Variants in LRRTM4 observed in about 807,000 individuals in gnomAD.
The protein encoded by LRRTM4 is leucine rich repeat transmembrane neuronal 4.
LRRTM4 carries 25 observed loss-of-function variants against 47.6 expected under a neutral mutation model. The ratio of observed to expected loss-of-function variants is 0.53; its 90% CI spans 0.38 to 0.73. The LOEUF is 0.73. Among genes scored for constraint, LRRTM4 ranks in the 30% least tolerant of loss-of-function variants. The probability of loss-of-function intolerance (pLI) is 0.00; values close to 1 mark genes in which losing one functional copy is unlikely to be tolerated. For missense variants in LRRTM4, 638 were observed against 713.4 expected, an observed-to-expected ratio of 0.89 and a Z score of 1.20; for synonymous variants, 311 against 269.5, an observed-to-expected ratio of 1.15 and a Z score of -1.51.
intron 3 of LRRTM4, among the ~76,000 whole-genome samples, chr2:77,223,702 A>G (rs975243563): frequency 1.3e-5 from 2 of 152,226 alleles, no homozygotes; most frequent in African/African-American, 2.4e-5. Context: ...ACTCAATGAA[A>G]TAAAAGAGGA....
At chr2:77,315,391 CAT>C (rs1353826579) in intron 3 of LRRTM4, among the ~76,000 whole-genome samples, 1 of 152,182 alleles carries the variant, frequency 6.6e-6, no homozygotes, top group East Asian at 1.9e-4. Flanking sequence ...ATATATAACT[CAT>C]ATAACATACA....
intron 3 of LRRTM4, among the ~76,000 whole-genome samples, chr2:77,102,976 T>A (rs1670996530): frequency 1.3e-5 from 2 of 152,212 alleles, no homozygotes; most frequent in African/African-American, 4.8e-5. Flanking sequence ...ATATATACTC[T>A]TTGGGACTTT....
At chr2:77,022,805 G>A (rs1000283736) in intron 3 of LRRTM4, among the ~76,000 whole-genome samples, 3 of 152,164 alleles carry the variant, frequency 2.0e-5, no homozygotes, top group Admixed American at 2.0e-4. Flanking sequence ...CTGCTTTTAT[G>A]GGCTGGCATT....
intron 3 of LRRTM4, among the ~76,000 whole-genome samples, chr2:76,927,363 A>T (rs976964703): frequency 5.3e-5 from 8 of 152,114 alleles, no homozygotes; most frequent in Non-Finnish European, 1.2e-4. Flanking sequence ...AAAGCCTCTA[A>T]AGGCCTTGCT....
chr2:77,449,809 C>G (rs995270763), intron 3 of LRRTM4, among the ~76,000 whole-genome samples: 36 of 152,204 alleles, frequency 2.4e-4, no homozygotes, highest in African/African-American at 8.4e-4. Flanking sequence ...TGCCAAAAGG[C>G]ATAATTTTGG....
At chr2:77,192,102 A>C (rs528280015) in intron 3 of LRRTM4, among the ~76,000 whole-genome samples, 1 of 152,226 alleles carries the variant, frequency 6.6e-6, no homozygotes, top group South Asian at 2.1e-4. Flanking sequence ...ATCAATGACA[A>C]TTGAATTAAA....
At chr2:77,100,394 C>A (rs1179839637) in intron 3 of LRRTM4, among the ~76,000 whole-genome samples, 1 of 152,154 alleles carries the variant, frequency 6.6e-6, no homozygotes, top group Non-Finnish European at 1.5e-5. Context: ...AGTGTTCTTG[C>A]TTCAACGATG....
chr2:77,190,712 C>T (rs1446115181), intron 3 of LRRTM4, among the ~76,000 whole-genome samples: 5 of 152,074 alleles, frequency 3.3e-5, no homozygotes, highest in Non-Finnish European at 7.3e-5. Context: ...TGATAGTGTA[C>T]TAATTGCTAC....
At position 77,498,932 on chromosome 2, in the gene LRRTM4, T is replaced by C. The variant is rs1678464866; in HGVS notation, c.1551+19386A>G. Among the ~76,000 whole-genome samples the C allele has an allele frequency of 2.6e-5, 4 of 151,864 alleles. No homozygotes were observed. The South Asian group carries it at 8.3e-4, about 31-fold the overall frequency. ...TGTGTCAGTTTACTTTAGAGATACC[T>C]ACAGATCTCTACATAGATTACTCCT... On this transcript the variant is annotated intron_variant, in intron 3 of 3. Coordinates refer to ENST00000409884, the MANE Select transcript of LRRTM4 (RefSeq NM_001134745.3).
chr2:76,873,447 G>A (rs557894666), intron 3 of LRRTM4, among the ~76,000 whole-genome samples: 16 of 143,522 alleles, frequency 1.1e-4, no homozygotes, highest in African/African-American at 3.9e-4. Flanking sequence ...TAGTCTGTGT[G>A]TATATATATA....
At position 77,353,732 on chromosome 2, in the gene LRRTM4, T is replaced by C. The variant is rs541904705; in HGVS notation, c.1551+164586A>G. Among the ~76,000 whole-genome samples, 73 of 152,188 alleles carry C rather than the reference T, an allele frequency of 4.8e-4. 1 individual carries two copies. In the South Asian group the frequency reaches 0.015, roughly 31 times the overall value. Reference sequence around the variant, plus strand: ...TACTTTAAGTTTTAGGGTACATGTGTCCAACCAAATTATTATCTAAGTCCT... The same window carrying C: ...TACTTTAAGTTTTAGGGTACATGTGCCCAACCAAATTATTATCTAAGTCCT... On this transcript the variant is annotated intron_variant, in intron 3 of 3. Transcript: ENST00000409884.
chr2:76,993,452 G>T (rs1016292018), intron 3 of LRRTM4, among the ~76,000 whole-genome samples: 3 of 151,810 alleles, frequency 2.0e-5, no homozygotes, highest in African/African-American at 7.3e-5. Flanking sequence ...CAATGAAAAT[G>T]AACAGACACT....
intron 3 of LRRTM4, among the ~76,000 whole-genome samples, chr2:76,843,067 A>G (rs1362522457): frequency 6.6e-6 from 1 of 152,198 alleles, no homozygotes; most frequent in Non-Finnish European, 1.5e-5. Flanking sequence ...GTAAATCAAT[A>G]CCTTCAACAT....
At chr2:77,300,825 A>G (rs1481326414) in intron 3 of LRRTM4, among the ~76,000 whole-genome samples, 1 of 152,120 alleles carries the variant, frequency 6.6e-6, no homozygotes. Flanking sequence ...TATTTAATAT[A>G]TGTTACTCTG....
intron 3 of LRRTM4, among the ~76,000 whole-genome samples, chr2:76,922,159 G>A (rs1674451807): frequency 6.6e-6 from 1 of 152,018 alleles, no homozygotes; most frequent in South Asian, 2.1e-4. Flanking sequence ...GTCAAATAAT[G>A]TATGATCTCA....
Position 76,994,867 on chromosome 2 carries a change from A to T in LRRTM4, c.1552-245951T>A, listed in dbSNP as rs1677144022. On this transcript the variant is annotated intron_variant, in intron 3 of 3. Coordinates refer to ENST00000409884, the MANE Select transcript of LRRTM4 (RefSeq NM_001134745.3). ...CAATAATGCACACAAAGTTTTATTT[A>T]AAAAAAGCTAGGGAACTCTATTTTA... Among the ~76,000 whole-genome samples, 3 of 151,910 alleles carry T rather than the reference A, an allele frequency of 2.0e-5. No individual in the cohort carries two copies. In the South Asian group the frequency reaches 6.2e-4, roughly 31 times the overall value.
intron 3 of LRRTM4, among the ~76,000 whole-genome samples, chr2:76,806,881 A>G (rs1476651148): frequency 6.6e-6 from 1 of 152,132 alleles, no homozygotes; most frequent in East Asian, 1.9e-4. Context: ...TGCACAAAGA[A>G]CCTGAAAATG....
intron 3 of LRRTM4, among the ~76,000 whole-genome samples, chr2:77,068,963 G>C (rs991354616): frequency 1.2e-4 from 18 of 151,968 alleles, no homozygotes; most frequent in African/African-American, 4.4e-4. Context: ...TTAAGGGCAT[G>C]TTCCTGCTGC....
intron 3 of LRRTM4, among the ~76,000 whole-genome samples, chr2:77,308,117 T>TTATC (rs61111822): frequency 0.12 from 17,937 of 144,706 alleles, 1,978 homozygotes; most frequent in African/African-American, 0.29. Flanking sequence ...TATATATTAT[T>TTATC]TATATATAAT....
Sources: allele counts gnomAD v4.1 joint callset (sites outside exome capture counted in the v4.1 genomes callset), GRCh38; gene constraint gnomAD v4.1.1; transcripts MANE v1.5; gene names NCBI Gene and HGNC (gene_info 2026-07-23, HGNC 2026-07-21).